NAPEPLD: variants seen among roughly 807,000 people sequenced by gnomAD.
The protein encoded by NAPEPLD is N-acyl phosphatidylethanolamine phospholipase D.
Under a neutral mutation model 38.1 loss-of-function variants are expected in NAPEPLD, and 23 were observed. The observed-to-expected ratio is 0.60, with a 90% confidence interval of 0.43 to 0.86. The LOEUF (loss-of-function observed/expected upper bound fraction) is 0.86. Ranked by LOEUF, NAPEPLD falls within the 40% of genes least tolerant of loss-of-function variation. NAPEPLD has a pLI of 0.00. For missense variants in NAPEPLD, 411 were observed against 476.8 expected (o/e 0.86, Z 1.28); for synonymous variants, 147 against 162.0 (o/e 0.91, Z 0.71).
At chr7:103,149,344 CG>C, upstream of NAPEPLD, 1 of 1,151,360 alleles carries the variant, frequency 8.7e-7, no homozygotes. Flanking sequence ...ACAGAGTCCC[CG>C]CGCAAAGCGC....
intron 1 of NAPEPLD, among the ~76,000 whole-genome samples, chr7:103,134,667 A>G (rs1435649844): frequency 6.6e-6 from 1 of 152,214 alleles, no homozygotes; most frequent in African/African-American, 2.4e-5. Flanking sequence ...AATAAAAAAT[A>G]AAACAAATGT....
rs1813171922 is a variant in NAPEPLD, at chr7:103,148,980, A to C, written c.-186T>G. On this transcript the variant is annotated 5_prime_UTR_variant, in exon 1 of 5. Coordinates refer to ENST00000465647, the MANE Select transcript of NAPEPLD (RefSeq NM_001122838.3). ...TCGCGAGGTGCGAAAATTCAAATGA[A>C]GCCCTGTCGCTCACAAGTGCGGCAT... The C allele has an allele frequency of 2.0e-6, 2 of 985,246 alleles. No individual in the cohort carries two copies. Among genetic ancestry groups the C allele is most frequent in the African/African-American group, 3.5e-5 (2 of 57,224 alleles). The allele number at this position is 985,246 out of a possible 1,614,324, so 61.0% of individuals were successfully genotyped here.
At chr7:103,129,252 C>G in intron 1 of NAPEPLD, 1 of 950,200 alleles carries the variant, frequency 1.1e-6, no homozygotes, top group Non-Finnish European at 1.3e-6. Context: ...ACAAACAAAA[C>G]AAACATGAAA....
At chr7:103,146,835 T>C (rs1812663412) in intron 1 of NAPEPLD, among the ~76,000 whole-genome samples, 1 of 152,188 alleles carries the variant, frequency 6.6e-6, no homozygotes, top group Non-Finnish European at 1.5e-5. Flanking sequence ...CTAAGGTTCC[T>C]TGGCCAAATC....
At chr7:103,132,265 G>A (rs1195079279) in intron 1 of NAPEPLD, among the ~76,000 whole-genome samples, 3 of 152,176 alleles carry the variant, frequency 2.0e-5, no homozygotes, top group Admixed American at 2.0e-4. Context: ...CCTCAAGGTA[G>A]GTATTATAAT....
intron 4 of NAPEPLD, among the ~76,000 whole-genome samples, chr7:103,108,170 T>C (rs554689312): frequency 9.0e-5 from 13 of 144,932 alleles, no homozygotes; most frequent in Middle Eastern, 3.6e-3. Flanking sequence ...TGAGATGGAG[T>C]CTTGCTCTGT....
At chr7:103,115,984 C>G (rs1343329963) in intron 3 of NAPEPLD, among the ~76,000 whole-genome samples, 1 of 152,112 alleles carries the variant, frequency 6.6e-6, no homozygotes, top group African/African-American at 2.4e-5. Flanking sequence ...GTGGGAGAGT[C>G]TTAGGCTAAT....
At chr7:103,111,331 G>A (rs1804478173) in intron 4 of NAPEPLD, among the ~76,000 whole-genome samples, 1 of 152,158 alleles carries the variant, frequency 6.6e-6, no homozygotes, top group Non-Finnish European at 1.5e-5. Flanking sequence ...AACAAAGCTG[G>A]AGGCATCATG....
At chr7:103,112,368 G>T (rs1400297242) in intron 4 of NAPEPLD, among the ~76,000 whole-genome samples, 2 of 152,168 alleles carry the variant, frequency 1.3e-5, no homozygotes, top group Non-Finnish European at 2.9e-5. Context: ...GCCCATCAAT[G>T]ATAGACTGGA....
rs1813184807 is a variant in NAPEPLD, at chr7:103,149,022, G to A, written c.-228C>T. 1.0e-6 allele frequency: 1 copy of A among 985,284 alleles called. No homozygotes were observed. Among genetic ancestry groups the A allele is most frequent in the Non-Finnish European group, 1.2e-6 (1 of 829,944 alleles). The allele number at this position is 985,284 out of a possible 1,614,324, so 61.0% of individuals were successfully genotyped here. ...GTGCGGCATCTCCGAGATGAGGGAG[G>A]GCTCGGGGACGGGAAACCCACTCTC... On this transcript the variant is annotated 5_prime_UTR_variant, in exon 1 of 5. Coordinates refer to ENST00000465647, the MANE Select transcript of NAPEPLD (RefSeq NM_001122838.3).
intron 1 of NAPEPLD, chr7:103,141,256 T>G (rs2129536426): frequency 3.6e-6 from 1 of 275,042 alleles, no homozygotes; most frequent in South Asian, 8.2e-5. Flanking sequence ...TTTTTTTTTT[T>G]TTTTTTTTTG....
At chr7:103,109,391 A>G (rs1050637861) in intron 4 of NAPEPLD, among the ~76,000 whole-genome samples, 2 of 152,218 alleles carry the variant, frequency 1.3e-5, no homozygotes, top group Non-Finnish European at 2.9e-5. Context: ...ACAGTCTCTC[A>G]GACCACATGC....
intron 2 of NAPEPLD, among the ~76,000 whole-genome samples, chr7:103,121,546 C>T (rs1265607472): frequency 1.3e-5 from 2 of 152,178 alleles, no homozygotes; most frequent in Non-Finnish European, 2.9e-5. Context: ...ACTGGGAAAA[C>T]TCTTAAGATT....
intron 1 of NAPEPLD, among the ~76,000 whole-genome samples, chr7:103,137,344 G>A (rs11772979): frequency 0.89 from 135,917 of 152,192 alleles, 62,677 homozygotes; most frequent in East Asian, 1. Flanking sequence ...CACTCTAGAA[G>A]CTTCCTCTAT....
At chr7:103,118,170 A>G (rs777156401) in intron 3 of NAPEPLD, among the ~76,000 whole-genome samples, 4 of 152,250 alleles carry the variant, frequency 2.6e-5, no homozygotes, top group Non-Finnish European at 5.9e-5. Context: ...CCTGGGCAAC[A>G]GAGTGAGACT....
intron 3 of NAPEPLD, among the ~76,000 whole-genome samples, chr7:103,116,071 T>TC (rs1805503432): frequency 2.0e-5 from 3 of 151,992 alleles, no homozygotes; most frequent in African/African-American, 7.3e-5. Flanking sequence ...TTTCTTTTTT[T>TC]TTTTTTCTGA....
At chr7:103,121,032 C>T (rs1409618389) in intron 2 of NAPEPLD, among the ~76,000 whole-genome samples, 2 of 151,992 alleles carry the variant, frequency 1.3e-5, no homozygotes, top group African/African-American at 4.8e-5. Context: ...TTTCTGAGTA[C>T]CTATAATTCA....
intron 3 of NAPEPLD, 48 bp downstream of exon 3, chr7:103,119,528 CA>C (rs1484102200): frequency 6.5e-7 from 1 of 1,535,220 alleles, no homozygotes; most frequent in Non-Finnish European, 8.8e-7. Context: ...CTTTTAAATT[CA>C]GTTAATTTAT....
chr7:103,111,457 A>T (rs1804508860), intron 4 of NAPEPLD, among the ~76,000 whole-genome samples: 1 of 152,226 alleles, frequency 6.6e-6, no homozygotes, highest in South Asian at 2.1e-4. Context: ...GTAACACCAC[A>T]CATCTACAAC....
Sources: allele counts gnomAD v4.1 joint callset (sites outside exome capture counted in the v4.1 genomes callset), GRCh38; gene constraint gnomAD v4.1.1; transcripts MANE v1.5; gene names NCBI Gene and HGNC (gene_info 2026-07-23, HGNC 2026-07-21).